Variants in CNTNAP5 observed in about 807,000 individuals in gnomAD.
CNTNAP5 encodes contactin-associated protein-like 5.
A neutral mutation model predicts 150.2 loss-of-function variants in CNTNAP5; 72 were observed. The ratio of observed to expected loss-of-function variants is 0.48; its 90% CI spans 0.40 to 0.58. CNTNAP5 has a LOEUF of 0.58. Among genes scored for constraint, CNTNAP5 ranks in the 20% least tolerant of loss-of-function variants. The pLI, the probability that CNTNAP5 is intolerant of heterozygous loss-of-function variation, is 0.00. For missense variants in CNTNAP5, 1,636 were observed against 1,626.2 expected (o/e 1.01, Z -0.10); for synonymous variants, 672 against 619.8 (o/e 1.08, Z -1.25).
chr2:124,893,780 T>C (rs1678249046), intron 21 of CNTNAP5, among the ~76,000 whole-genome samples: 1 of 152,108 alleles, frequency 6.6e-6, no homozygotes, highest in Non-Finnish European at 1.5e-5. Context: ...CAGAGAATAG[T>C]TCCACTTTTC....
chr2:124,609,485 CG>C (rs1232266885), intron 11 of CNTNAP5, among the ~76,000 whole-genome samples: 2 of 151,896 alleles, frequency 1.3e-5, no homozygotes, highest in Non-Finnish European at 2.9e-5. Flanking sequence ...CCCAGCTACT[CG>C]GGAGACTGAA....
chr2:124,042,321 A>G (rs1452683597), intron 1 of CNTNAP5, among the ~76,000 whole-genome samples: 1 of 152,210 alleles, frequency 6.6e-6, no homozygotes, highest in Non-Finnish European at 1.5e-5. Flanking sequence ...AAAAAAGGTG[A>G]TGATACCCTC....
At chr2:124,222,617 T>C (rs550239546) in intron 2 of CNTNAP5, among the ~76,000 whole-genome samples, 2 of 152,170 alleles carry the variant, frequency 1.3e-5, no homozygotes, top group African/African-American at 4.8e-5. Flanking sequence ...GAGTTTATAT[T>C]ATTTAATTTT....
Position 124,824,887 on chromosome 2 carries a change from C to T in CNTNAP5, c.3217+26567C>T, listed in dbSNP as rs34924875. On this transcript the variant is annotated intron_variant, in intron 19 of 23. Coordinates refer to ENST00000682447, the MANE Select transcript of CNTNAP5 (RefSeq NM_001367498.1). The stretch of plus-strand genomic sequence containing the variant: ...TATACACGTTCCAATCCATCTTGTA[C>T]TCCTGGATTTAGCATACTCTTACAA... 5.0e-3 allele frequency among the ~76,000 whole-genome samples: 765 copies of T among 152,314 alleles called. 4 individuals carry two copies. Among genetic ancestry groups the T allele is most frequent in the Non-Finnish European group, 7.2e-3 (490 of 68,024 alleles).
intron 13 of CNTNAP5, among the ~76,000 whole-genome samples, chr2:124,706,798 G>GAAGAAGAAGAAGA (rs1558743008): frequency 1.8e-3 from 13 of 7,306 alleles, no homozygotes; most frequent in African/African-American, 2.5e-3. Context: ...GAAGAAGAAG[G>GAAGAAGAAGAAGA]AGGAGGAGGA....
chr2:124,225,318 C>T (rs1477977173), intron 2 of CNTNAP5, among the ~76,000 whole-genome samples: 2 of 152,116 alleles, frequency 1.3e-5, no homozygotes, highest in Non-Finnish European at 2.9e-5. Flanking sequence ...GAGAGGAAAG[C>T]AATGGCCATG....
chr2:124,764,215 C>G (rs773697126), intron 16 of CNTNAP5, 68 bp downstream of exon 16: 9 of 1,294,338 alleles, frequency 7.0e-6, no homozygotes, highest in Non-Finnish European at 1.0e-5. Context: ...GTTTTTGCCA[C>G]CAGTCACTAG....
At chr2:124,705,648 TAAG>T (rs1421664865) in intron 13 of CNTNAP5, among the ~76,000 whole-genome samples, 2 of 151,710 alleles carry the variant, frequency 1.3e-5, no homozygotes, top group African/African-American at 2.4e-5. Context: ...TGATTTATAA[TAAG>T]AAGAACATAA....
At chr2:124,254,279 A>C (rs1687255045) in intron 3 of CNTNAP5, among the ~76,000 whole-genome samples, 1 of 152,178 alleles carries the variant, frequency 6.6e-6, no homozygotes, top group African/African-American at 2.4e-5. Flanking sequence ...TATTCCCTCA[A>C]ATGTAAATGT....
chr2:124,598,434 G>A (rs1366385802), intron 11 of CNTNAP5, among the ~76,000 whole-genome samples: 3 of 138,698 alleles, frequency 2.2e-5, no homozygotes, highest in Admixed American at 1.5e-4. Flanking sequence ...CTGCTGGGGG[G>A]TGCCTCCCAG....
intron 3 of CNTNAP5, among the ~76,000 whole-genome samples, chr2:124,373,890 A>C (rs1690587192): frequency 6.6e-6 from 1 of 152,076 alleles, no homozygotes; most frequent in African/African-American, 2.4e-5. Flanking sequence ...GCTATTAATA[A>C]AATTATATTT....
chr2:124,070,054 A>G (rs2104663116), intron 1 of CNTNAP5, among the ~76,000 whole-genome samples: 1 of 152,292 alleles, frequency 6.6e-6, no homozygotes, highest in South Asian at 2.1e-4. Context: ...GGTAAAGTTA[A>G]AATGCTCAGT....
chr2:124,512,889 T>C (rs1409866982), intron 8 of CNTNAP5, among the ~76,000 whole-genome samples: 1 of 152,212 alleles, frequency 6.6e-6, no homozygotes, highest in East Asian at 1.9e-4. Context: ...TTATTGAGCA[T>C]TGACTACATT....
rs1279614258 is a variant in CNTNAP5, at chr2:124,677,728, A to G, written c.2077+29770A>G. Among the ~76,000 whole-genome samples the G allele has an allele frequency of 2.0e-5, 3 of 151,348 alleles. No homozygotes were observed. In the Admixed American group the frequency reaches 2.0e-4, roughly 10 times the overall value. Reference sequence around the variant, plus strand: ...AGAGTGCTGATTGGTGTGGTTTTACAGAGCGCTGATTGGTGCATTTACAAT... The same window carrying G: ...AGAGTGCTGATTGGTGTGGTTTTACGGAGCGCTGATTGGTGCATTTACAAT... On this transcript the variant is annotated intron_variant, in intron 13 of 23. Coordinates refer to ENST00000682447, the MANE Select transcript of CNTNAP5 (RefSeq NM_001367498.1).
intron 3 of CNTNAP5, among the ~76,000 whole-genome samples, chr2:124,404,866 G>A (rs1430352155): frequency 6.6e-6 from 1 of 152,062 alleles, no homozygotes; most frequent in Non-Finnish European, 1.5e-5. Context: ...CTCCAGGGAA[G>A]GAAAGACAAA....
chr2:124,700,147 T>C (rs1167459246), intron 13 of CNTNAP5, among the ~76,000 whole-genome samples: 1 of 152,196 alleles, frequency 6.6e-6, no homozygotes, highest in Non-Finnish European at 1.5e-5. Context: ...TTCTTCCACT[T>C]AATAGAATGT....
intron 3 of CNTNAP5, among the ~76,000 whole-genome samples, chr2:124,267,587 T>C (rs545377799): frequency 5.9e-5 from 9 of 152,338 alleles, no homozygotes; most frequent in African/African-American, 1.9e-4. Flanking sequence ...GTTTCTGTAC[T>C]CATTTATCAA....
At chr2:124,841,353 C>T (rs896862130) in intron 19 of CNTNAP5, among the ~76,000 whole-genome samples, 6 of 151,834 alleles carry the variant, frequency 4.0e-5, no homozygotes, top group Non-Finnish European at 8.8e-5. Context: ...GCCCACCTTC[C>T]ACCCAACCAT....
At chr2:124,875,570 A>G (rs540567603) in intron 21 of CNTNAP5, among the ~76,000 whole-genome samples, 3 of 152,134 alleles carry the variant, frequency 2.0e-5, no homozygotes, top group Non-Finnish European at 2.9e-5. Context: ...ATTAATTCAC[A>G]GAGCTGTGTA....
Sources: gnomAD v4.1 joint callset for allele counts (sites outside exome capture counted in the v4.1 genomes callset) on GRCh38, gnomAD v4.1.1 for gene constraint, MANE v1.5 for transcripts, NCBI Gene and HGNC (gene_info 2026-07-23, HGNC 2026-07-21) for gene names.